Variants in CAMKMT observed in about 807,000 individuals in gnomAD.
CAMKMT encodes the protein calmodulin-lysine N-methyltransferase.
Under a neutral mutation model 48.0 loss-of-function variants are expected in CAMKMT, and 53 were observed. That is an observed-to-expected ratio of 1.10 (90% confidence interval 0.89 to 1.39). CAMKMT has a LOEUF of 1.39. Among genes scored for constraint, CAMKMT ranks in the 40% most tolerant of loss-of-function variants. CAMKMT has a pLI of 0.00. For synonymous variants in CAMKMT, 165 were observed against 152.3 expected (o/e 1.08, Z -0.61); for missense variants, 428 against 402.7 (o/e 1.06, Z -0.54).
chr2:44,456,753 T>C, intron 3 of CAMKMT: 1 of 722,582 alleles, frequency 1.4e-6, no homozygotes. Context: ...GCTAAATGTT[T>C]TTCTTTTCCT....
intron 3 of CAMKMT, among the ~76,000 whole-genome samples, chr2:44,590,092 C>G (rs1670170283): frequency 1.3e-5 from 2 of 151,514 alleles, no homozygotes; most frequent in South Asian, 4.2e-4. Flanking sequence ...CTAATATTGA[C>G]ATTCCTTTCC....
At chr2:44,454,773 A>G (rs1667471436) in intron 3 of CAMKMT, among the ~76,000 whole-genome samples, 1 of 152,258 alleles carries the variant, frequency 6.6e-6, no homozygotes, top group African/African-American at 2.4e-5. Context: ...TTAGGTCACT[A>G]CTGTACTCTT....
intron 3 of CAMKMT, among the ~76,000 whole-genome samples, chr2:44,627,539 T>G (rs1672552243): frequency 6.6e-6 from 1 of 152,036 alleles, no homozygotes; most frequent in African/African-American, 2.4e-5. Flanking sequence ...AAAAAAAGTT[T>G]CGTTCACAGA....
chr2:44,734,327 A>G (rs951038319), intron 7 of CAMKMT, among the ~76,000 whole-genome samples: 3 of 152,056 alleles, frequency 2.0e-5, no homozygotes, highest in Non-Finnish European at 2.9e-5. Context: ...ATTTAGAAGT[A>G]TATTATTTAT....
At chr2:44,470,682 G>T (rs75798423) in intron 3 of CAMKMT, among the ~76,000 whole-genome samples, 2,144 of 152,240 alleles carry the variant, frequency 0.014, 57 homozygotes, top group African/African-American at 0.049. Flanking sequence ...CAAAGTCATT[G>T]CTAATATATA....
At chr2:44,516,105 C>G (rs1481780033) in intron 3 of CAMKMT, among the ~76,000 whole-genome samples, 1 of 152,076 alleles carries the variant, frequency 6.6e-6, no homozygotes, top group African/African-American at 2.4e-5. Flanking sequence ...ACCAGGGGTG[C>G]TGATGGGCAA....
chr2:44,599,499 A>G (rs985230047), intron 3 of CAMKMT, among the ~76,000 whole-genome samples: 2 of 152,130 alleles, frequency 1.3e-5, no homozygotes, highest in Non-Finnish European at 2.9e-5. Context: ...CCCATTTAAT[A>G]CATGCCCTGT....
At chr2:44,691,869 C>T (rs986483137) in intron 3 of CAMKMT, among the ~76,000 whole-genome samples, 2 of 152,064 alleles carry the variant, frequency 1.3e-5, no homozygotes, top group Non-Finnish European at 2.9e-5. Flanking sequence ...GGGCAGGCCT[C>T]CACCTGCCCA....
At chr2:44,564,632 A>T (rs1426536362) in intron 3 of CAMKMT, among the ~76,000 whole-genome samples, 1 of 151,402 alleles carries the variant, frequency 6.6e-6, no homozygotes, top group Non-Finnish European at 1.5e-5. Context: ...TCAGTCTCCC[A>T]GGTTCAAGCG....
At chr2:44,551,000 A>C (rs1553413386) in intron 3 of CAMKMT, among the ~76,000 whole-genome samples, 2 of 152,202 alleles carry the variant, frequency 1.3e-5, no homozygotes, top group Non-Finnish European at 2.9e-5. Context: ...AAGACCTGGA[A>C]ACCAGATGTT....
chr2:44,603,944 A>G (rs1170239054), intron 3 of CAMKMT, among the ~76,000 whole-genome samples: 1 of 152,162 alleles, frequency 6.6e-6, no homozygotes, highest in Non-Finnish European at 1.5e-5. Flanking sequence ...ACCAACACTA[A>G]TAAGATGGTC....
intron 3 of CAMKMT, among the ~76,000 whole-genome samples, chr2:44,412,375 G>T (rs1041371206): frequency 4.6e-5 from 7 of 151,904 alleles, no homozygotes. Context: ...TGGCTCTGTC[G>T]CCTAGGCTGA....
intron 3 of CAMKMT, among the ~76,000 whole-genome samples, chr2:44,428,687 A>C (rs148444759): frequency 1.3e-5 from 2 of 152,324 alleles, no homozygotes; most frequent in East Asian, 1.9e-4. Context: ...TTTTATATGT[A>C]TGTATGTCTG....
chr2:44,375,056 A>G (rs1329217213), intron 2 of CAMKMT, among the ~76,000 whole-genome samples: 1 of 152,166 alleles, frequency 6.6e-6, no homozygotes, highest in Non-Finnish European at 1.5e-5. Context: ...CTTACAGCCC[A>G]GGATTTCAAG....
intron 3 of CAMKMT, among the ~76,000 whole-genome samples, chr2:44,487,490 C>G (rs1199095249): frequency 2.0e-5 from 3 of 152,110 alleles, no homozygotes; most frequent in Non-Finnish European, 4.4e-5. Flanking sequence ...TGCTTTCTGT[C>G]AAATTAACAG....
intron 3 of CAMKMT, among the ~76,000 whole-genome samples, chr2:44,582,675 A>G (rs1669629623): frequency 6.6e-6 from 1 of 152,204 alleles, no homozygotes; most frequent in Non-Finnish European, 1.5e-5. Flanking sequence ...TACTTTTAAA[A>G]GACTAAGTGA....
rs148600411 is a variant in CAMKMT, at chr2:44,696,239, G to T, written c.377-8044G>T. 9.6e-3 allele frequency among the ~76,000 whole-genome samples: 1,463 copies of T among 152,220 alleles called. 16 individuals carry two copies. The highest frequency in any genetic ancestry group is 0.016 in the Admixed American group (241 of 15,298). On this transcript the variant is annotated intron_variant, in intron 3 of 10. Coordinates refer to ENST00000378494, the MANE Select transcript of CAMKMT (RefSeq NM_024766.5). ...ATTACAGGCGTGAGCCACTGTGCCC[G>T]GCCAAAAATGTTTAAAAACATTATA...
At chr2:44,631,146 A>G (rs567818987) in intron 3 of CAMKMT, among the ~76,000 whole-genome samples, 53 of 152,302 alleles carry the variant, frequency 3.5e-4, no homozygotes, top group African/African-American at 1.3e-3. Flanking sequence ...CTATCGCAAG[A>G]ACAAAAAACC....
At chr2:44,720,990 G>T (rs1277830089) in intron 7 of CAMKMT, among the ~76,000 whole-genome samples, 1 of 152,036 alleles carries the variant, frequency 6.6e-6, no homozygotes, top group Non-Finnish European at 1.5e-5. Context: ...TTACTATGGG[G>T]TTTGATATAG....
Sources: gnomAD v4.1 joint callset for allele counts (sites outside exome capture counted in the v4.1 genomes callset) on GRCh38, gnomAD v4.1.1 for gene constraint, MANE v1.5 for transcripts, NCBI Gene and HGNC (gene_info 2026-07-23, HGNC 2026-07-21) for gene names.